PDGFRB: variants seen among roughly 807,000 people sequenced by gnomAD.
The protein encoded by PDGFRB is platelet derived growth factor receptor beta, also known as platelet-derived growth factor receptor beta.
In PDGFRB, 42 loss-of-function variants were observed where a neutral mutation model predicts 120.2. That is an observed-to-expected ratio of 0.35 (90% confidence interval 0.27 to 0.45). PDGFRB has a LOEUF of 0.45. PDGFRB is among the 20% of genes least tolerant of loss of function. The probability of loss-of-function intolerance (pLI) is 1.00; values close to 1 mark genes in which losing one functional copy is unlikely to be tolerated. For missense variants in PDGFRB, 1,149 were observed against 1,476.3 expected (o/e 0.78, Z 3.63); for synonymous variants, 586 against 606.8 (o/e 0.97, Z 0.50).
chr5:150,146,444 T>C (rs989100499), intron 1 of PDGFRB, among the ~76,000 whole-genome samples: 2 of 152,184 alleles, frequency 1.3e-5, no homozygotes, highest in African/African-American at 4.8e-5. Context: ...AGGAGAATGA[T>C]GAGTCTCAGA....
chr5:150,128,860 C>T (rs1410270323), intron 10 of PDGFRB, among the ~76,000 whole-genome samples: 1 of 152,214 alleles, frequency 6.6e-6, no homozygotes, highest in African/African-American at 2.4e-5. Flanking sequence ...CCAGGCAGGG[C>T]TGAGCCCTTT....
chr5:150,118,895 A>G, intron 20 of PDGFRB, 43 bp from the exon 21 acceptor site: 1 of 1,250,396 alleles, frequency 8.0e-7, no homozygotes, highest in South Asian at 1.2e-5. Flanking sequence ...CCCAGGGTTC[A>G]GGGGACAAGG....
At chr5:150,124,414 C>T (rs1760235141) in intron 13 of PDGFRB, 54 bp from the exon 14 acceptor site, 2 of 1,286,632 alleles carry the variant, frequency 1.6e-6, no homozygotes, top group Non-Finnish European at 2.3e-6. Flanking sequence ...TCCATGGAGG[C>T]CCCACCACAG....
chr5:150,125,810 C>T (rs1760278573), intron 11 of PDGFRB, among the ~76,000 whole-genome samples: 1 of 152,176 alleles, frequency 6.6e-6, no homozygotes, highest in Non-Finnish European at 1.5e-5. Flanking sequence ...GACTGAGGAG[C>T]AACTGGCAGC....
At chr5:150,117,515 G>C in intron 22 of PDGFRB, 103 bp downstream of exon 22, 1 of 680,958 alleles carries the variant, frequency 1.5e-6, no homozygotes. Flanking sequence ...TTACCTCTGA[G>C]GCAAACCTGG....
chr5:150,135,691 G>C lies in PDGFRB; in HGVS notation c.228C>G (p.Ala76=). Residue 76 remains alanine, a synonymous_variant, in exon 3 of 23, where the codon GCC becomes GCG. Coordinates refer to ENST00000261799, the MANE Select transcript of PDGFRB (RefSeq NM_002609.4). ...GCACGCTGGAGAAGGTGCCATCCTG[G>C]GCCTTGGCCATTTCCTGTGGGGGCT... is the stretch of plus-strand genomic sequence containing the variant. ...SQEPPQEMAK[A]QDGTFSSVLT... 1 of 1,614,114 alleles carries C rather than the reference G, an allele frequency of 6.2e-7. No homozygotes were observed. The highest frequency in any genetic ancestry group is 8.5e-7 in the Non-Finnish European group (1 of 1,179,988).
At chr5:150,126,023 G>A (rs886539333) in intron 11 of PDGFRB, among the ~76,000 whole-genome samples, 1 of 152,202 alleles carries the variant, frequency 6.6e-6, no homozygotes, top group African/African-American at 2.4e-5. Flanking sequence ...TGGAACCACA[G>A]GACTGGAATT....
Position 150,114,383 on chromosome 5 carries a change from C to A in PDGFRB, c.*1380G>T. 4.3e-6 allele frequency: 1 copy of A among 233,344 alleles called. No homozygotes were observed. The highest frequency in any genetic ancestry group is 8.5e-6 in the Non-Finnish European group (1 of 118,046). The allele number at this position is 233,344 out of a possible 1,614,324, so 14.5% of individuals were successfully genotyped here. A position where few individuals can be genotyped will look rare whatever the true frequency, so the allele number is the denominator to read the frequency against. On this transcript the variant is annotated 3_prime_UTR_variant, in exon 23 of 23. Coordinates refer to ENST00000261799, the MANE Select transcript of PDGFRB (RefSeq NM_002609.4). ...GACATAACTGTCCTCACTGTCCATT[C>A]TGTCTTCGACGCAGACCTCGGCACA...
At chr5:150,147,781 G>A (rs1760966494) in intron 1 of PDGFRB, among the ~76,000 whole-genome samples, 2 of 152,190 alleles carry the variant, frequency 1.3e-5, no homozygotes, top group Admixed American at 1.3e-4. Flanking sequence ...TTTCTCATCT[G>A]TAGATTGGGG....
Position 150,115,610 on chromosome 5 carries a change from T to G in PDGFRB, c.*153A>C. 2 of 648,568 alleles carry G rather than the reference T, an allele frequency of 3.1e-6. No homozygotes were observed. Among genetic ancestry groups the G allele is most frequent in the South Asian group, 3.0e-5 (1 of 32,970 alleles). 40.2% of individuals were successfully genotyped at this position (648,568 alleles called of 1,614,324 possible). ...TTGCCTCCTAAGCCAGCCCCAGGGT[T>G]TGGGGCACAACACGTCAGGAGCAGA... On this transcript the variant is annotated 3_prime_UTR_variant, in exon 23 of 23. Transcript: ENST00000261799.
At chr5:150,134,076 T>C (rs1182008436) in intron 4 of PDGFRB, 68 bp from the exon 5 acceptor site, 19 of 1,455,014 alleles carry the variant, frequency 1.3e-5, no homozygotes, top group Non-Finnish European at 1.6e-5. Flanking sequence ...AGCTTGGGGA[T>C]AGGGTAGGGG....
intron 1 of PDGFRB, among the ~76,000 whole-genome samples, chr5:150,149,776 AC>A (rs1442094591): frequency 6.6e-5 from 10 of 152,078 alleles, no homozygotes; most frequent in South Asian, 2.1e-4. Flanking sequence ...CTAACTGGAA[AC>A]CCTGCCCCAC....
chr5:150,153,040 C>T (rs931221526), intron 1 of PDGFRB, among the ~76,000 whole-genome samples: 23 of 152,208 alleles, frequency 1.5e-4, no homozygotes, highest in African/African-American at 4.6e-4. Flanking sequence ...TTACCCACAG[C>T]GCTCACTGCC....
chr5:150,137,252 T>G, intron 1 of PDGFRB, 199 bp from the exon 2 acceptor site: 1 of 553,236 alleles, frequency 1.8e-6, no homozygotes, highest in Non-Finnish European at 3.2e-6. Flanking sequence ...CATCCCGGAC[T>G]TAGCCTTGGG....
At chr5:150,116,335 G>C (rs1426556108) in intron 22 of PDGFRB, among the ~76,000 whole-genome samples, 1 of 152,124 alleles carries the variant, frequency 6.6e-6, no homozygotes, top group Admixed American at 6.5e-5. Context: ...GACACTGGCC[G>C]GGCGTGGTGG....
In PDGFRB at chr5:150,115,790, C is replaced by A; in HGVS notation, c.3294G>T (p.Arg1098=). ...QLPDSGCPAP[R]AEAEDSFL Reference sequence around the variant, plus strand: ...ACAGGAAGCTATCCTCTGCTTCCGCCCGAGGCGCAGGGCACCCCGAATCCG... The same window carrying A: ...ACAGGAAGCTATCCTCTGCTTCCGCACGAGGCGCAGGGCACCCCGAATCCG... The change falls in exon 23 of 23, where the codon CGG becomes CGT. Residue 1098 remains arginine (R), a synonymous_variant. Transcript: ENST00000261799. The A allele has an allele frequency of 6.2e-7, 1 of 1,610,754 alleles. No individual in the cohort carries two copies.
intron 6 of PDGFRB, 93 bp from the exon 7 acceptor site, chr5:150,133,035 TG>T (rs1302464815): frequency 8.1e-6 from 7 of 868,436 alleles, no homozygotes; most frequent in Non-Finnish European, 1.1e-5. Flanking sequence ...GCTTCAGGCC[TG>T]GGGACCGTGC....
At position 150,139,375 on chromosome 5, in the gene PDGFRB, C is replaced by T. The variant is rs559121485; in HGVS notation, c.-6-2322G>A. Reference sequence around the variant, plus strand: ...TGAGCGAGTCTCCAGCCTCTCTGAACTCTGCGTCCCCATCCATATAGAGAG... The same window carrying T: ...TGAGCGAGTCTCCAGCCTCTCTGAATTCTGCGTCCCCATCCATATAGAGAG... On this transcript the variant is annotated intron_variant, in intron 1 of 22. Transcript: ENST00000261799. Among the ~76,000 whole-genome samples the T allele has an allele frequency of 9.2e-5, 14 of 152,282 alleles. No homozygotes were observed. The South Asian group carries it at 2.9e-3, about 32-fold the overall frequency.
In PDGFRB at chr5:150,115,619, A is replaced by C. The variant is rs1355178823; in HGVS notation, c.*144T>G. 6 of 733,692 alleles carry C rather than the reference A, an allele frequency of 8.2e-6. No homozygotes were observed. Among genetic ancestry groups the C allele is most frequent in the African/African-American group, 1.8e-5 (1 of 54,680 alleles). The allele number at this position is 733,692 out of a possible 1,614,324, so 45.4% of individuals were successfully genotyped here. ...AAGCCAGCCCCAGGGTTTGGGGCAC[A>C]ACACGTCAGGAGCAGAAAGCTTCCA... On this transcript the variant is annotated 3_prime_UTR_variant, in exon 23 of 23. Coordinates refer to ENST00000261799, the MANE Select transcript of PDGFRB (RefSeq NM_002609.4).
Sources: gnomAD v4.1 joint callset for allele counts (sites outside exome capture counted in the v4.1 genomes callset) on GRCh38, gnomAD v4.1.1 for gene constraint, MANE v1.5 for transcripts, NCBI Gene and HGNC (gene_info 2026-07-23, HGNC 2026-07-21) for gene names.